AR: variants seen among roughly 807,000 people sequenced by gnomAD.
The protein encoded by AR is dihydrotestosterone receptor.
In AR, 8 loss-of-function variants were observed where a neutral mutation model predicts 53.9. The ratio of observed to expected loss-of-function variants is 0.15; its 90% CI spans 0.09 to 0.27. The LOEUF (loss-of-function observed/expected upper bound fraction) is 0.27, where lower values mean the gene tolerates loss of function less well. Ranked by LOEUF, AR falls within the 10% of genes least tolerant of loss-of-function variation. The pLI, the probability that AR is intolerant of heterozygous loss-of-function variation, is 1.00. For synonymous variants in AR, 359 were observed against 316.4 expected, an observed-to-expected ratio of 1.13 and a Z score of -1.43; for missense variants, 639 against 742.5, an observed-to-expected ratio of 0.86 and a Z score of 1.62.
chrX:67,657,252 C>T (rs890849296), intron 2 of AR, among the ~76,000 whole-genome samples: 2 of 110,877 alleles, frequency 1.8e-5, no homozygotes, highest in Admixed American at 1.9e-4. Flanking sequence ...TAAATTATTC[C>T]TTTATCTCAA....
intron 3 of AR, chrX:67,689,713 G>T: frequency 2.4e-6 from 2 of 847,832 alleles, no homozygotes; most frequent in East Asian, 1.0e-4. Context: ...ACCACATATT[G>T]TTAATTGCTT....
chrX:67,680,684 G>A (rs1211213802), intron 2 of AR: 2 of 328,610 alleles, frequency 6.1e-6, no homozygotes, highest in Non-Finnish European at 1.2e-5. Flanking sequence ...CTAATAGTGG[G>A]TAACTTCTCT....
At chrX:67,564,074 A>G (rs180975718) in intron 1 of AR, among the ~76,000 whole-genome samples, 1 of 111,801 alleles carries the variant, frequency 8.9e-6, no homozygotes, top group African/African-American at 3.2e-5. Context: ...AGGGAGAGAA[A>G]GAGTCACAGC....
At chrX:67,597,096 G>A (rs1400066255) in intron 1 of AR, among the ~76,000 whole-genome samples, 3 of 111,838 alleles carry the variant, frequency 2.7e-5, no homozygotes, top group Admixed American at 9.5e-5. Flanking sequence ...AGAGTTTCTG[G>A]CACTTCTCTT....
chrX:67,655,218 C>T (rs768621862), intron 2 of AR, among the ~76,000 whole-genome samples: 7 of 110,562 alleles, frequency 6.3e-5, no homozygotes, highest in African/African-American at 2.3e-4. Flanking sequence ...CAAGAGCCCT[C>T]AGGGCCCATC....
intron 3 of AR, 152 bp downstream of exon 3, chrX:67,686,278 G>T: frequency 1.7e-6 from 1 of 603,222 alleles, no homozygotes; most frequent in Non-Finnish European, 2.6e-6. Flanking sequence ...AGGCAACGTG[G>T]CCATCAGCCA....
At chrX:67,612,897 C>G (rs773844088) in intron 1 of AR, among the ~76,000 whole-genome samples, 1 of 111,903 alleles carries the variant, frequency 8.9e-6, no homozygotes, top group African/African-American at 3.2e-5. Context: ...CTCTCAAAAT[C>G]TTACTCCATA....
intron 2 of AR, among the ~76,000 whole-genome samples, chrX:67,662,384 A>G (rs1269003219): frequency 3.6e-5 from 4 of 110,251 alleles, no homozygotes; most frequent in Admixed American, 9.7e-5. Context: ...AGATTCTGGT[A>G]TGTTGTGTCT....
intron 4 of AR, among the ~76,000 whole-genome samples, 171 bp from the exon 5 acceptor site, chrX:67,717,307 A>G (rs1241573634): frequency 3.6e-5 from 4 of 111,328 alleles, no homozygotes; most frequent in Non-Finnish European, 7.5e-5. Context: ...TATTATCCTC[A>G]CCATATAGTT....
At chrX:67,631,014 T>C (rs1925066251) in intron 1 of AR, among the ~76,000 whole-genome samples, 2 of 112,000 alleles carry the variant, frequency 1.8e-5, no homozygotes, top group Admixed American at 1.9e-4. Flanking sequence ...GATCTGCTGT[T>C]AGTCTGATGG....
intron 5 of AR, 136 bp downstream of exon 5, chrX:67,717,758 C>A: frequency 1.0e-6 from 1 of 959,871 alleles, no homozygotes; most frequent in Non-Finnish European, 1.4e-6. Flanking sequence ...CCCAGCCAGC[C>A]AATCCAGTAT....
intron 2 of AR, among the ~76,000 whole-genome samples, chrX:67,672,517 A>G (rs1367740432): frequency 9.4e-6 from 1 of 106,612 alleles, no homozygotes; most frequent in Admixed American, 1.0e-4. Flanking sequence ...TATTTGTTGC[A>G]TGTTATTGAT....
rs2076170638 is a variant in AR at position 67,729,220 on chromosome X, C to G, written c.*5379C>G. The G allele has an allele frequency of 1.1e-5, 2 of 175,519 alleles. No homozygotes were observed. The highest frequency in any genetic ancestry group is 2.2e-5 in the Non-Finnish European group (2 of 91,484). 14.5% of individuals were successfully genotyped at this position (175,519 alleles called of 1,213,427 possible). On this transcript the variant is annotated 3_prime_UTR_variant, in exon 8 of 8. Coordinates refer to ENST00000374690, the MANE Select transcript of AR (RefSeq NM_000044.6). ...TGTGTTTTTCTCTGTTAAAACTTGTCAGAGTACTAGAAGTTGTATCTCTGT... is the reference window on the plus strand; with the variant it reads ...TGTGTTTTTCTCTGTTAAAACTTGTGAGAGTACTAGAAGTTGTATCTCTGT...
In AR at chrX:67,726,948, G is replaced by A. The variant is rs747360612; in HGVS notation, c.*3107G>A. On this transcript the variant is annotated 3_prime_UTR_variant, in exon 8 of 8. Coordinates refer to ENST00000374690, the MANE Select transcript of AR (RefSeq NM_000044.6). The stretch of plus-strand genomic sequence containing the variant: ...ACAAGGACCATCTCCAAACAAGTTG[G>A]CAGTGCTCGATGTGGACGAAGAGTG... 1 of 174,195 alleles carries A rather than the reference G, an allele frequency of 5.7e-6. No individual in the cohort carries two copies. Among genetic ancestry groups the A allele is most frequent in the Non-Finnish European group, 1.1e-5 (1 of 90,606 alleles). The allele number at this position is 174,195 out of a possible 1,213,427, so 14.4% of individuals were successfully genotyped here.
chrX:67,621,502 C>T (rs542073738), intron 1 of AR, among the ~76,000 whole-genome samples: 3 of 110,866 alleles, frequency 2.7e-5, no homozygotes, highest in South Asian at 3.9e-4. Flanking sequence ...AATGCTATCC[C>T]TCCCTAGTCC....
At chrX:67,633,700 G>T (rs1206682725) in intron 1 of AR, among the ~76,000 whole-genome samples, 1 of 111,375 alleles carries the variant, frequency 9.0e-6, no homozygotes, top group Non-Finnish European at 1.9e-5. Flanking sequence ...AACAAAATGT[G>T]GTATATCCAT....
intron 1 of AR, among the ~76,000 whole-genome samples, chrX:67,636,580 T>G (rs1925447149): frequency 8.9e-6 from 1 of 112,171 alleles, no homozygotes. Flanking sequence ...CATTTATGCT[T>G]TAATAAACAA....
intron 1 of AR, among the ~76,000 whole-genome samples, chrX:67,557,909 T>G (rs978162121): frequency 8.9e-6 from 1 of 112,453 alleles, no homozygotes; most frequent in Non-Finnish European, 1.9e-5. Context: ...TACCAAAATA[T>G]TTTTCCTGTA....
intron 3 of AR, among the ~76,000 whole-genome samples, chrX:67,690,201 C>T (rs751089682): frequency 8.9e-6 from 1 of 111,778 alleles, no homozygotes; most frequent in African/African-American, 3.2e-5. Context: ...TTCACAGATT[C>T]GTCTAGCATA....
Sources: allele counts gnomAD v4.1 joint callset (sites outside exome capture counted in the v4.1 genomes callset), GRCh38; gene constraint gnomAD v4.1.1; transcripts MANE v1.5; gene names NCBI Gene and HGNC (gene_info 2026-07-23, HGNC 2026-07-21).